UBE2L6: variants seen among roughly 807,000 people sequenced by gnomAD.
UBE2L6 encodes the protein ubiquitin conjugating enzyme E2 L6, also known as ubiquitin/ISG15-conjugating enzyme E2 L6.
UBE2L6 carries 11 observed loss-of-function variants against 13.6 expected under a neutral mutation model. The observed-to-expected ratio is 0.81, with a 90% CI of 0.51 to 1.34. UBE2L6 has a LOEUF of 1.34. Ranked by LOEUF, UBE2L6 falls within the 40% of genes most tolerant of loss-of-function variation. The pLI is 0.00. For missense variants in UBE2L6, 197 were observed against 199.5 expected (o/e 0.99, Z 0.07); for synonymous variants, 74 against 83.2 (o/e 0.89, Z 0.60).
intron 2 of UBE2L6, among the ~76,000 whole-genome samples, chr11:57,557,395 C>CT (rs35413834): frequency 0.43 from 57,248 of 131,692 alleles, 12,874 homozygotes; most frequent in East Asian, 0.72. Context: ...TGCCATGCTT[C>CT]TTTTTTTTTT....
chr11:57,552,636 T>A, intron 3 of UBE2L6, 127 bp from the exon 4 acceptor site: 1 of 1,224,258 alleles, frequency 8.2e-7, no homozygotes. Context: ...AGGATTACTC[T>A]ACGACCAGAT....
At chr11:57,567,372 C>T in intron 1 of UBE2L6, 1 of 675,926 alleles carries the variant, frequency 1.5e-6, no homozygotes, top group Non-Finnish European at 2.5e-6. Flanking sequence ...ACGGCTCAAG[C>T]AGAGGCCTCC....
chr11:57,554,294 C>T, intron 3 of UBE2L6, 143 bp downstream of exon 3: 1 of 948,426 alleles, frequency 1.1e-6, no homozygotes, highest in Non-Finnish European at 1.6e-6. Context: ...AGCATCCCTT[C>T]TATCTCATAG....
Position 57,557,770 on chromosome 11 carries a change from T to C in UBE2L6, c.123+2567A>G, listed in dbSNP as rs77938808. Among the ~76,000 whole-genome samples the C allele has an allele frequency of 9.1e-3, 1,382 of 152,300 alleles. 20 individuals carry two copies. The highest frequency in any genetic ancestry group is 0.032 in the African/African-American group (1,328 of 41,564). ...TTTATATATTACTCAGCCTCGGGTA[T>C]TCCTTTACAGCAACACTAATGGACT... On this transcript the variant is annotated intron_variant, in intron 2 of 3. Coordinates refer to ENST00000287156, the MANE Select transcript of UBE2L6 (RefSeq NM_004223.5).
At chr11:57,567,137 C>T in intron 1 of UBE2L6, 2 of 460,520 alleles carry the variant, frequency 4.3e-6, no homozygotes, top group Non-Finnish European at 8.7e-6. Context: ...TCTAGTAATA[C>T]AGGCATCAAA....
chr11:57,560,872 A>T (rs1187738167), intron 1 of UBE2L6, among the ~76,000 whole-genome samples: 2 of 151,846 alleles, frequency 1.3e-5, no homozygotes, highest in Non-Finnish European at 2.9e-5. Flanking sequence ...CGCCCGCCTC[A>T]GCCTCCCAAA....
At chr11:57,564,745 G>A (rs1283694175) in intron 1 of UBE2L6, among the ~76,000 whole-genome samples, 4 of 152,026 alleles carry the variant, frequency 2.6e-5, no homozygotes, top group Non-Finnish European at 4.4e-5. Flanking sequence ...GGAGGTTGCA[G>A]TGAGCTGAGA....
intron 2 of UBE2L6, among the ~76,000 whole-genome samples, chr11:57,554,867 A>G (rs1944985610): frequency 6.6e-6 from 1 of 152,066 alleles, no homozygotes; most frequent in African/African-American, 2.4e-5. Flanking sequence ...CGGGTGAGCC[A>G]CTTCCCACCT....
rs762802204 is a variant in UBE2L6 at position 57,552,379 on chromosome 11, G to A, written c.441C>T (p.Phe147=). The A allele has an allele frequency of 1.5e-5, 24 of 1,614,070 alleles. No homozygotes were observed. In the Admixed American group the frequency reaches 2.3e-4, roughly 16 times the overall value. Residue 147 remains phenylalanine, a synonymous_variant, in exon 4 of 4, where the codon TTC becomes TTT. Transcript: ENST00000287156. The stretch of plus-strand genomic sequence containing the variant: ...TGAGTTAGGAGGGCCGGTCCACTCC[G>A]AATCGGAGGGTGAACTCTTCGGCAT... ...RKNAEEFTLR[F]GVDRPS
intron 3 of UBE2L6, among the ~76,000 whole-genome samples, chr11:57,553,772 GCCAAGAT>G (rs888979619): frequency 6.6e-6 from 1 of 152,212 alleles, no homozygotes; most frequent in African/African-American, 2.4e-5. Context: ...GTTGCAGTGA[GCCAAGAT>G]CGCGCCACTG....
At chr11:57,559,887 G>T (rs1274878514) in intron 2 of UBE2L6, among the ~76,000 whole-genome samples, 1 of 152,132 alleles carries the variant, frequency 6.6e-6, no homozygotes, top group Middle Eastern at 3.2e-3. Context: ...GTAGAAATGA[G>T]CTATTTGTGT....
intron 1 of UBE2L6, among the ~76,000 whole-genome samples, chr11:57,562,202 C>T (rs1945052883): frequency 6.6e-6 from 1 of 152,154 alleles, no homozygotes; most frequent in Admixed American, 6.5e-5. Context: ...CCTCATAGAC[C>T]CGTGGTGGTG....
In UBE2L6 at chr11:57,563,842, C is replaced by T. The variant is rs1034933110; in HGVS notation, c.28-3410G>A. Among the ~76,000 whole-genome samples, 9 of 152,148 alleles carry T rather than the reference C, an allele frequency of 5.9e-5. No individual in the cohort carries two copies. In the East Asian group the frequency reaches 1.7e-3, roughly 29 times the overall value. On this transcript the variant is annotated intron_variant, in intron 1 of 3. Transcript: ENST00000287156. ...GTATGAACCCAGGAGGCAGAGCTTG[C>T]AGTGAGCCAAGATTGTGCCACTGCA...
intron 2 of UBE2L6, among the ~76,000 whole-genome samples, chr11:57,558,799 TGC>T (rs1437016045): frequency 6.6e-6 from 1 of 152,204 alleles, no homozygotes; most frequent in Non-Finnish European, 1.5e-5. Context: ...CTCCTTCCTC[TGC>T]CAGTCAACCA....
upstream of UBE2L6, chr11:57,567,734 C>T (rs1390341792): frequency 6.3e-6 from 8 of 1,276,186 alleles, no homozygotes; most frequent in Non-Finnish European, 8.5e-6. Context: ...CCTCCTCCAG[C>T]CGTCGCTGCG....
At chr11:57,558,543 C>T (rs1314996305) in intron 2 of UBE2L6, among the ~76,000 whole-genome samples, 2 of 152,200 alleles carry the variant, frequency 1.3e-5, no homozygotes, top group African/African-American at 4.8e-5. Flanking sequence ...AAGAGGAAGA[C>T]AACCTTCCTC....
intron 1 of UBE2L6, among the ~76,000 whole-genome samples, chr11:57,564,004 G>A (rs139025742): frequency 6.6e-6 from 1 of 152,362 alleles, no homozygotes; most frequent in Non-Finnish European, 1.5e-5. Context: ...TAAATAGGAG[G>A]TAGGGAGAGA....
intron 1 of UBE2L6, among the ~76,000 whole-genome samples, chr11:57,566,766 T>C (rs1451438374): frequency 6.6e-6 from 1 of 152,118 alleles, no homozygotes; most frequent in Non-Finnish European, 1.5e-5. Flanking sequence ...TCTGAAAGAC[T>C]TGGGGTGCCA....
chr11:57,567,568 A>C lies in UBE2L6; in HGVS notation c.27+17T>G. Reference sequence around the variant, plus strand: ...CGAGGGGAGCCAAGAGAAAGGGGTCATCCTATACGCGGTTACCTTCACCAC... The same window carrying C: ...CGAGGGGAGCCAAGAGAAAGGGGTCCTCCTATACGCGGTTACCTTCACCAC... On this transcript the variant is annotated intron_variant, in intron 1 of 3. Coordinates refer to ENST00000287156, the MANE Select transcript of UBE2L6 (RefSeq NM_004223.5). The C allele has an allele frequency of 3.7e-6, 6 of 1,606,604 alleles. No individual in the cohort carries two copies. The highest frequency in any genetic ancestry group is 1.1e-5 in the South Asian group (1 of 88,828).
Sources: gnomAD v4.1 joint callset for allele counts (sites outside exome capture counted in the v4.1 genomes callset) on GRCh38, gnomAD v4.1.1 for gene constraint, MANE v1.5 for transcripts, NCBI Gene and HGNC (gene_info 2026-07-23, HGNC 2026-07-21) for gene names.